DOCK3: variants seen among roughly 807,000 people sequenced by gnomAD.
The protein encoded by DOCK3 is dedicator of cytokinesis 3, also known as dedicator of cytokinesis protein 3.
In DOCK3, 60 loss-of-function variants were observed where a neutral mutation model predicts 265.6. The observed-to-expected ratio is 0.23, with a 90% confidence interval of 0.18 to 0.28. The LOEUF (loss-of-function observed/expected upper bound fraction) is 0.28, where lower values mean the gene tolerates loss of function less well. DOCK3 is among the 10% of genes least tolerant of loss of function. The probability of loss-of-function intolerance (pLI) is 1.00; values close to 1 mark genes in which losing one functional copy is unlikely to be tolerated. For missense variants in DOCK3, 1,981 were observed against 2,594.3 expected, an observed-to-expected ratio of 0.76 and a Z score of 5.14; for synonymous variants, 881 against 938.0, an observed-to-expected ratio of 0.94 and a Z score of 1.11.
intron 27 of DOCK3, among the ~76,000 whole-genome samples, chr3:51,297,430 A>G (rs1409650907): frequency 6.6e-6 from 1 of 152,228 alleles, no homozygotes; most frequent in East Asian, 1.9e-4. Context: ...TGCAAATCAT[A>G]CATCTAGTAA....
chr3:51,233,217 A>T (rs557952466), intron 19 of DOCK3, among the ~76,000 whole-genome samples: 1 of 152,300 alleles, frequency 6.6e-6, no homozygotes, highest in South Asian at 2.1e-4. Flanking sequence ...TTTGGGCAGT[A>T]TGGCCATTTT....
chr3:51,270,634 CT>C (rs2080444568), intron 23 of DOCK3, among the ~76,000 whole-genome samples, 180 bp from the exon 24 acceptor site: 1 of 152,122 alleles, frequency 6.6e-6, no homozygotes, highest in African/African-American at 2.4e-5. Context: ...TTTTGGTTTC[CT>C]TTTTGGTTTT....
At chr3:51,060,217 A>G (rs2081363778) in intron 5 of DOCK3, among the ~76,000 whole-genome samples, 1 of 151,784 alleles carries the variant, frequency 6.6e-6, no homozygotes, top group Non-Finnish European at 1.5e-5. Flanking sequence ...TGTAGAGGTC[A>G]GTGACAGCCA....
chr3:51,325,605 A>G (rs1034807371), intron 32 of DOCK3, among the ~76,000 whole-genome samples: 5 of 152,242 alleles, frequency 3.3e-5, no homozygotes, highest in African/African-American at 1.2e-4. Context: ...ATAAAGACAC[A>G]TGCACATGTA....
chr3:50,796,066 A>T (rs2042756621), intron 2 of DOCK3, among the ~76,000 whole-genome samples: 1 of 148,534 alleles, frequency 6.7e-6, no homozygotes. Flanking sequence ...TTTCAGACGG[A>T]GTCTGGCTCT....
chr3:51,316,731 A>G (rs1292429730), intron 32 of DOCK3, among the ~76,000 whole-genome samples: 2 of 152,174 alleles, frequency 1.3e-5, no homozygotes, highest in Non-Finnish European at 2.9e-5. Context: ...GCATCTTTTC[A>G]TATGCTTATA....
intron 5 of DOCK3, among the ~76,000 whole-genome samples, chr3:51,039,454 C>G (rs1298417129): frequency 6.6e-6 from 1 of 152,058 alleles, no homozygotes; most frequent in African/African-American, 2.4e-5. Flanking sequence ...GGGTACATGC[C>G]TATTTAATTT....
rs781484477 is a variant in DOCK3, at chr3:51,227,388, A to G, written c.1483A>G (p.Ile495Val). Residue 495 changes from isoleucine to valine, a missense_variant, in exon 16 of 53, where the codon ATC becomes GTC. Physicochemically the swap from Ile to Val is conservative, Grantham distance 29 (BLOSUM62 3). Around this residue, in one of 4 missense-constraint regions of DOCK3, gnomAD observed 1,357 missense variants for 1,866.8 expected, o/e 0.73. Transcript: ENST00000266037. ...PRWGEIIKLPIPIDRFRGSHL... is the reference protein window; with the variant it reads ...PRWGEIIKLPVPIDRFRGSHL... ...CTGGGGAGAAATTATCAAATTGCCT[A>G]TCCCCATTGACCGGTTCCGGGGCTC... 4.3e-6 allele frequency: 7 copies of G among 1,613,916 alleles called. No individual in the cohort carries two copies. In the Admixed American group the frequency reaches 1.0e-4, roughly 23 times the overall value.
chr3:50,859,045 T>G (rs1025931706), intron 3 of DOCK3, among the ~76,000 whole-genome samples: 9 of 152,116 alleles, frequency 5.9e-5, no homozygotes, highest in African/African-American at 7.2e-5. Flanking sequence ...GTCCTTTAGC[T>G]CCTGTATCAC....
intron 27 of DOCK3, among the ~76,000 whole-genome samples, chr3:51,286,716 G>C (rs940202796): frequency 3.3e-5 from 5 of 152,086 alleles, no homozygotes; most frequent in Admixed American, 6.6e-5. Context: ...CAAGCAATGG[G>C]GAAAAGACTC....
chr3:51,109,227 C>CA (rs1236625062), intron 9 of DOCK3, among the ~76,000 whole-genome samples: 1 of 152,170 alleles, frequency 6.6e-6, no homozygotes, highest in Non-Finnish European at 1.5e-5. Flanking sequence ...GAAAATCTCT[C>CA]AAAATCACAC....
intron 5 of DOCK3, among the ~76,000 whole-genome samples, chr3:50,938,409 C>T (rs2051510811): frequency 6.6e-6 from 1 of 152,034 alleles, no homozygotes; most frequent in Non-Finnish European, 1.5e-5. Context: ...CTGAACAGTG[C>T]AATCAACCAT....
chr3:51,372,004 A>G (rs1024216872), intron 49 of DOCK3, among the ~76,000 whole-genome samples: 1 of 152,226 alleles, frequency 6.6e-6, no homozygotes, highest in Non-Finnish European at 1.5e-5. Context: ...TTTTCGGTGC[A>G]TACTGAACAG....
intron 5 of DOCK3, among the ~76,000 whole-genome samples, chr3:51,015,750 T>A (rs1461029007): frequency 3.2e-4 from 1 of 3,092 alleles, no homozygotes; most frequent in East Asian, 0.033. Context: ...TATCATATAT[T>A]TCTATATATG....
At chr3:51,057,514 T>C (rs1482961812) in intron 5 of DOCK3, among the ~76,000 whole-genome samples, 1 of 152,232 alleles carries the variant, frequency 6.6e-6, no homozygotes, top group Non-Finnish European at 1.5e-5. Context: ...CTAATTATAC[T>C]GTTACTTTAA....
intron 4 of DOCK3, among the ~76,000 whole-genome samples, chr3:50,906,280 A>G (rs1361123578): frequency 6.6e-6 from 1 of 152,018 alleles, no homozygotes; most frequent in Non-Finnish European, 1.5e-5. Flanking sequence ...GGCCTCATAA[A>G]ATGAGTTAGG....
intron 2 of DOCK3, among the ~76,000 whole-genome samples, chr3:50,796,701 AT>A (rs2042805382): frequency 6.6e-6 from 1 of 151,920 alleles, no homozygotes; most frequent in Non-Finnish European, 1.5e-5. Context: ...TATTGCACTG[AT>A]TCTTTTTATC....
chr3:50,841,744 T>TTTTTCTTTTTCTTTTTTTTTTTTTGAG, intron 3 of DOCK3, 29 bp downstream of exon 3: 1 of 520,346 alleles, frequency 1.9e-6, no homozygotes, highest in Non-Finnish European at 3.1e-6. Context: ...TTACCTTTTC[T>TTTTTCTTTTTCTTTTTTTTTTTTTGAG]AATGTAGGAA....
chr3:51,068,143 T>C (rs1240313874), intron 6 of DOCK3, among the ~76,000 whole-genome samples: 1 of 152,242 alleles, frequency 6.6e-6, no homozygotes, highest in Non-Finnish European at 1.5e-5. Context: ...TTTCAGAATC[T>C]ATTTCAGAAA....
Sources: gnomAD v4.1 joint callset for allele counts (sites outside exome capture counted in the v4.1 genomes callset) on GRCh38, gnomAD v4.1.1 for gene constraint, gnomAD v4.1.1 regional missense constraint, MANE v1.5 for transcripts, NCBI Gene and HGNC (gene_info 2026-07-23, HGNC 2026-07-21) for gene names.